Variants in TRERF1 observed in about 807,000 individuals in gnomAD.
The protein encoded by TRERF1 is transcriptional regulating factor 1.
Under a neutral mutation model 122.9 loss-of-function variants are expected in TRERF1, and 27 were observed. That is an observed-to-expected ratio of 0.22 (90% CI 0.16 to 0.30). The LOEUF is 0.30. Ranked by LOEUF, TRERF1 falls within the 10% of genes least tolerant of loss-of-function variation. The pLI is 1.00. For synonymous variants in TRERF1, 636 were observed against 641.7 expected (o/e 0.99, Z 0.13); for missense variants, 1,248 against 1,560.3 (o/e 0.80, Z 3.37).
At chr6:42,257,199 T>C in intron 10 of TRERF1, 97 bp from the exon 11 acceptor site, 1 of 1,449,980 alleles carries the variant, frequency 6.9e-7, no homozygotes. Flanking sequence ...GGAAACTAGT[T>C]CTTTCTGCAA....
In TRERF1 at chr6:42,426,021, T is replaced by TAC. The variant is rs537742432; in HGVS notation, c.-454+25154_-454+25155dup. Among the ~76,000 whole-genome samples the TAC allele has an allele frequency of 3.0e-3, 455 of 152,248 alleles. 2 individuals carry two copies. The highest frequency in any genetic ancestry group is 0.01 in the African/African-American group (426 of 41,520). On this transcript the variant is annotated intron_variant, in intron 2 of 17. Transcript: ENST00000372922. The stretch of plus-strand genomic sequence containing the variant: ...TCTGTCCCTTACATTTGCACTGACA[T>TAC]ACATACTTGACACTTCCCTGGCTGC...
rs1316340376 is a variant in TRERF1, at chr6:42,369,490, CAT to C, written c.-453-6413_-453-6412del. ...AAACAAACTGAGGAGTCCAAAACTG[CAT>C]AGTCAGTCAGACCCAAAACCAGAAC... On this transcript the variant is annotated intron_variant, in intron 2 of 17. Transcript: ENST00000372922. 2.0e-5 allele frequency among the ~76,000 whole-genome samples: 3 copies of C among 152,148 alleles called. No individual in the cohort carries two copies. In the East Asian group the frequency reaches 5.8e-4, roughly 29 times the overall value.
At chr6:42,239,990 G>A (rs1773277317) in intron 15 of TRERF1, among the ~76,000 whole-genome samples, 1 of 151,904 alleles carries the variant, frequency 6.6e-6, no homozygotes, top group East Asian at 1.9e-4. Context: ...AACCCAAGAG[G>A]GTGTGGCCCC....
intron 2 of TRERF1, among the ~76,000 whole-genome samples, chr6:42,367,155 T>A (rs986410842): frequency 6.6e-6 from 1 of 152,102 alleles, no homozygotes; most frequent in Non-Finnish European, 1.5e-5. Context: ...TATAGAAGTA[T>A]AATATCTAGC....
In TRERF1 at chr6:42,232,671, C is replaced by T. The variant is rs768612523; in HGVS notation, c.3278+10G>A. 6.3e-7 allele frequency: 1 copy of T among 1,583,566 alleles called. No homozygotes were observed. The highest frequency in any genetic ancestry group is 8.6e-7 in the Non-Finnish European group (1 of 1,157,996). ...GAACTCAGATTCAGTCCCCGGTCCC[C>T]TGCACCTACTTGCCACACTCCTTGC... is the stretch of plus-strand genomic sequence containing the variant. On this transcript the variant is annotated intron_variant, in intron 17 of 17. Transcript: ENST00000372922. This position sits in a 1 kb window ranked among gnomAD's most constrained non-coding sequence, Gnocchi z 4.5.
chr6:42,401,336 A>G (rs1315043325), intron 2 of TRERF1, among the ~76,000 whole-genome samples: 1 of 152,216 alleles, frequency 6.6e-6, no homozygotes, highest in Non-Finnish European at 1.5e-5. Context: ...TCTCAAAAGA[A>G]AAGATTCACA....
intron 17 of TRERF1, among the ~76,000 whole-genome samples, chr6:42,230,156 G>A (rs558776371): frequency 3.2e-4 from 49 of 152,230 alleles, no homozygotes; most frequent in African/African-American, 1.1e-3. Context: ...TGAGTCCAAC[G>A]GGGCTGATAA....
rs1209544463 is a variant in TRERF1 at position 42,269,824 on chromosome 6, T to C, written c.-234A>G. 3 of 1,187,460 alleles carry C rather than the reference T, an allele frequency of 2.5e-6. No individual in the cohort carries two copies. The highest frequency in any genetic ancestry group is 3.3e-6 in the Non-Finnish European group (3 of 896,144). 73.6% of individuals were successfully genotyped at this position (1,187,460 alleles called of 1,614,324 possible). On this transcript the variant is annotated 5_prime_UTR_variant, in exon 5 of 18. Coordinates refer to ENST00000372922, the Ensembl canonical transcript of TRERF1. The surrounding 1 kb of genome is among the most constrained non-coding windows in gnomAD (Gnocchi z 4.9). ...GGCTGAGGTATAGACCACACAGCAC[T>C]GTGGTGAGGAGACGTCGCTCACACC...
chr6:42,402,721 A>T (rs145132643), intron 2 of TRERF1, among the ~76,000 whole-genome samples: 4 of 152,230 alleles, frequency 2.6e-5, no homozygotes, highest in Non-Finnish European at 5.9e-5. Context: ...CACCTACTAC[A>T]TCAGACACCA....
At chr6:42,313,179 G>A (rs960613952) in intron 3 of TRERF1, among the ~76,000 whole-genome samples, 9 of 152,156 alleles carry the variant, frequency 5.9e-5, no homozygotes, top group Non-Finnish European at 1.3e-4. Context: ...CCCTGAGATC[G>A]CCTGGGGTTC....
In TRERF1 at chr6:42,405,252, G is replaced by A. The variant is rs373748929; in HGVS notation, c.-453-42173C>T. ...TTCCAGTGAGGTCACTTACAAGGAA[G>A]GGAGGGAATTTGGTTCACACAGCCT... is the stretch of plus-strand genomic sequence containing the variant. On this transcript the variant is annotated intron_variant, in intron 2 of 17. Coordinates refer to ENST00000372922, the Ensembl canonical transcript of TRERF1. Among the ~76,000 whole-genome samples, 9 of 152,306 alleles carry A rather than the reference G, an allele frequency of 5.9e-5. No individual in the cohort carries two copies. The East Asian group carries it at 1.5e-3, about 26-fold the overall frequency.
intron 3 of TRERF1, among the ~76,000 whole-genome samples, chr6:42,317,209 T>C (rs1370028516): frequency 6.6e-6 from 1 of 152,104 alleles, no homozygotes; most frequent in Admixed American, 6.5e-5. Context: ...CCAGTCTTTC[T>C]GCTTGGCTGG....
intron 3 of TRERF1, among the ~76,000 whole-genome samples, chr6:42,336,078 C>T (rs1208939177): frequency 1.3e-5 from 2 of 152,160 alleles, no homozygotes; most frequent in South Asian, 2.1e-4. Flanking sequence ...ATTTAAATAG[C>T]CACATGTGGC....
chr6:42,402,982 CAA>C (rs1024211343), intron 2 of TRERF1, among the ~76,000 whole-genome samples: 16 of 152,198 alleles, frequency 1.1e-4, no homozygotes, highest in South Asian at 6.2e-4. Context: ...AAGTTGCTGA[CAA>C]AGAGAGAGGA....
At chr6:42,357,127 G>A (rs142759911) in intron 3 of TRERF1, among the ~76,000 whole-genome samples, 12 of 151,696 alleles carry the variant, frequency 7.9e-5, no homozygotes, top group Non-Finnish European at 1.6e-4. Flanking sequence ...TCAGGAGTTC[G>A]AGACCAGCCT....
intron 3 of TRERF1, among the ~76,000 whole-genome samples, chr6:42,350,781 C>G (rs966003666): frequency 6.6e-6 from 1 of 152,134 alleles, no homozygotes. Context: ...ATCGGGGCTC[C>G]AACTGCAGAG....
intron 4 of TRERF1, among the ~76,000 whole-genome samples, chr6:42,277,784 A>G (rs1781416145): frequency 6.6e-6 from 1 of 152,002 alleles, no homozygotes; most frequent in African/African-American, 2.4e-5. Flanking sequence ...TTGAGGCTGC[A>G]GTGAGTGGTG....
At chr6:42,287,311 A>AAAAAG (rs1561914489) in intron 4 of TRERF1, among the ~76,000 whole-genome samples, 3 of 151,188 alleles carry the variant, frequency 2.0e-5, no homozygotes, top group Admixed American at 6.6e-5. Flanking sequence ...AAAAAAGAAA[A>AAAAAG]GGATGGGGAA....
intron 2 of TRERF1, among the ~76,000 whole-genome samples, chr6:42,380,114 C>G (rs904487829): frequency 1.3e-5 from 2 of 150,830 alleles, no homozygotes; most frequent in Non-Finnish European, 2.9e-5. Context: ...GAAGATATTC[C>G]AGGCAAAGGA....
Sources: allele counts gnomAD v4.1 joint callset (sites outside exome capture counted in the v4.1 genomes callset), GRCh38; gene constraint gnomAD v4.1.1; non-coding constraint Gnocchi (gnomAD v3.1); transcripts MANE v1.5; gene names NCBI Gene and HGNC (gene_info 2026-07-23, HGNC 2026-07-21).